Variants in AP2B1 observed in about 807,000 individuals in gnomAD.
AP2B1 encodes the protein AP-2 complex subunit beta.
AP2B1 carries 23 observed loss-of-function variants against 102.0 expected under a neutral mutation model. The observed-to-expected ratio is 0.23, with a 90% confidence interval of 0.16 to 0.32. The LOEUF (loss-of-function observed/expected upper bound fraction) is 0.32. Among genes scored for constraint, AP2B1 ranks in the 10% least tolerant of loss-of-function variants. The pLI, the probability that AP2B1 is intolerant of heterozygous loss-of-function variation, is 1.00. For synonymous variants in AP2B1, 381 were observed against 421.2 expected (o/e 0.90, Z 1.17); for missense variants, 541 against 1,157.4 (o/e 0.47, Z 7.73).
At chr17:35,716,926 A>G (rs2076561756) in intron 20 of AP2B1, among the ~76,000 whole-genome samples, 1 of 152,206 alleles carries the variant, frequency 6.6e-6, no homozygotes, top group Non-Finnish European at 1.5e-5. Context: ...AGGCCCACCA[A>G]TATCATAATC....
chr17:35,676,788 G>GTCGT (rs1255221670), intron 17 of AP2B1, among the ~76,000 whole-genome samples: 2 of 32,676 alleles, frequency 6.1e-5, no homozygotes, highest in African/African-American at 5.9e-4. Context: ...AAGCATATTG[G>GTCGT]TCATATATAT....
At chr17:35,632,343 T>C (rs1027918424) in intron 9 of AP2B1, among the ~76,000 whole-genome samples, 8 of 152,084 alleles carry the variant, frequency 5.3e-5, no homozygotes, top group Non-Finnish European at 1.2e-4. Context: ...CCATGTTGGC[T>C]ATGCTGGTCT....
chr17:35,704,341 T>C (rs2076298375), intron 18 of AP2B1, among the ~76,000 whole-genome samples: 1 of 152,200 alleles, frequency 6.6e-6, no homozygotes, highest in African/African-American at 2.4e-5. Context: ...CCCCCATTCC[T>C]GCCTCATTGA....
At chr17:35,617,571 T>A (rs225247) in intron 5 of AP2B1, among the ~76,000 whole-genome samples, 96,014 of 151,994 alleles carry the variant, frequency 0.63, 30,347 homozygotes, top group Non-Finnish European at 0.65. Flanking sequence ...AATCTAAGAG[T>A]ACTACTTACT....
intron 18 of AP2B1, among the ~76,000 whole-genome samples, chr17:35,697,565 C>T (rs12150359): frequency 0.48 from 73,065 of 152,034 alleles, 17,630 homozygotes; most frequent in East Asian, 0.52. Flanking sequence ...TTTAGATGCC[C>T]GACAGGAAAT....
Position 35,589,366 on chromosome 17 carries a change from T to C in AP2B1, c.-24+1938T>C, listed in dbSNP as rs971817360. Among the ~76,000 whole-genome samples, 4 of 152,350 alleles carry C rather than the reference T, an allele frequency of 2.6e-5. No homozygotes were observed. In the South Asian group the frequency reaches 6.2e-4, roughly 24 times the overall value. On this transcript the variant is annotated intron_variant, in intron 1 of 21. Coordinates refer to ENST00000610402, the MANE Select transcript of AP2B1 (RefSeq NM_001030006.2). Reference sequence around the variant, plus strand: ...CACTGAGCTTTGTAAAGTCCCACTTTGTGAAAAGAAGGGTTTAGTGACTTT... The same window carrying C: ...CACTGAGCTTTGTAAAGTCCCACTTCGTGAAAAGAAGGGTTTAGTGACTTT...
chr17:35,639,166 C>CA (rs1163422967), intron 10 of AP2B1, among the ~76,000 whole-genome samples: 1 of 152,142 alleles, frequency 6.6e-6, no homozygotes, highest in Non-Finnish European at 1.5e-5. Context: ...CCCATCTCTA[C>CA]AAAAAAATTT....
Position 35,716,390 on chromosome 17 carries a change from G to A in AP2B1, c.2627-805G>A, listed in dbSNP as rs1031503385. ...ATGTCCTTTTTGAAACTGTAGTCAT[G>A]AGGAAGAGCCAAAACACCAACCCAT... On this transcript the variant is annotated intron_variant, in intron 20 of 21. Transcript: ENST00000610402. Among the ~76,000 whole-genome samples the A allele has an allele frequency of 2.0e-5, 3 of 152,262 alleles. No individual in the cohort carries two copies. In the East Asian group the frequency reaches 5.8e-4, roughly 29 times the overall value.
chr17:35,594,647 C>T (rs1338366389), intron 2 of AP2B1, among the ~76,000 whole-genome samples: 1 of 152,114 alleles, frequency 6.6e-6, no homozygotes, highest in Non-Finnish European at 1.5e-5. Flanking sequence ...CATATCCGTC[C>T]ATATACATCT....
At chr17:35,588,427 C>G (rs1056811150) in intron 1 of AP2B1, among the ~76,000 whole-genome samples, 2 of 152,146 alleles carry the variant, frequency 1.3e-5, no homozygotes, top group African/African-American at 4.8e-5. Context: ...CAGGCGTGAG[C>G]CAGCGCGCCC....
chr17:35,627,273 T>C, intron 7 of AP2B1, 112 bp from the exon 8 acceptor site: 1 of 308,072 alleles, frequency 3.2e-6, no homozygotes, highest in Non-Finnish European at 5.4e-6. Context: ...TTTTTTTGCC[T>C]GAGTGGAGCG....
At chr17:35,702,927 A>G (rs1346709352) in intron 18 of AP2B1, among the ~76,000 whole-genome samples, 1 of 152,226 alleles carries the variant, frequency 6.6e-6, no homozygotes, top group Non-Finnish European at 1.5e-5. Flanking sequence ...ACACTATTGA[A>G]GAGCATGTAA....
chr17:35,724,364 G>A lies in AP2B1; in HGVS notation c.*665G>A, dbSNP rs587737187. The A allele has an allele frequency of 6.6e-6, 1 of 152,060 alleles. No individual in the cohort carries two copies. Among genetic ancestry groups the A allele is most frequent in the African/African-American group, 2.4e-5 (1 of 41,446 alleles). 9.4% of individuals were successfully genotyped at this position (152,060 alleles called of 1,614,324 possible). On this transcript the variant is annotated 3_prime_UTR_variant, in exon 22 of 22. Coordinates refer to ENST00000610402, the MANE Select transcript of AP2B1 (RefSeq NM_001030006.2). ...CCCTTTCCATATTATAATCTCATTT[G>A]ATTGCTCTGCAGTTGGGAACGGTGA... is the stretch of plus-strand genomic sequence containing the variant.
At chr17:35,596,997 G>T (rs2073308564) in intron 2 of AP2B1, 5 of 650,502 alleles carry the variant, frequency 7.7e-6, no homozygotes, top group Middle Eastern at 6.0e-4. Flanking sequence ...GGAGCCTGGC[G>T]CCTGCACGGT....
At chr17:35,685,067 A>G (rs1277951149) in intron 18 of AP2B1, among the ~76,000 whole-genome samples, 1 of 152,238 alleles carries the variant, frequency 6.6e-6, no homozygotes, top group Non-Finnish European at 1.5e-5. Context: ...TAATTTTCAT[A>G]AACCTGATAT....
chr17:35,670,694 A>G (rs1302353583), intron 14 of AP2B1, among the ~76,000 whole-genome samples, 163 bp from the exon 15 acceptor site: 1 of 152,104 alleles, frequency 6.6e-6, no homozygotes, highest in Non-Finnish European at 1.5e-5. Context: ...CCCCTAGTAC[A>G]TATTTCTTTG....
At chr17:35,650,103 C>T (rs988487484) in intron 12 of AP2B1, among the ~76,000 whole-genome samples, 2 of 152,104 alleles carry the variant, frequency 1.3e-5, no homozygotes, top group Non-Finnish European at 2.9e-5. Context: ...GCACACGCCA[C>T]CAAGCCCAGC....
At chr17:35,688,779 C>G (rs1219148278) in intron 18 of AP2B1, among the ~76,000 whole-genome samples, 2 of 152,140 alleles carry the variant, frequency 1.3e-5, no homozygotes. Context: ...GCCTGGCCAA[C>G]TTGACGAAAC....
chr17:35,671,721 A>C, intron 15 of AP2B1, 33 bp from the exon 16 acceptor site: 1 of 1,604,494 alleles, frequency 6.2e-7, no homozygotes. Flanking sequence ...GTTCTTCCCA[A>C]TCTCCCCTCT....
Sources: gnomAD v4.1 joint callset for allele counts (sites outside exome capture counted in the v4.1 genomes callset) on GRCh38, gnomAD v4.1.1 for gene constraint, MANE v1.5 for transcripts, NCBI Gene and HGNC (gene_info 2026-07-23, HGNC 2026-07-21) for gene names.